Variants in C12orf75 observed in about 807,000 individuals in gnomAD.
C12orf75 encodes the protein chromosome 12 open reading frame 75.
A neutral mutation model predicts 11.4 loss-of-function variants in C12orf75; 4 were observed. That is an observed-to-expected ratio of 0.35 (90% CI 0.17 to 0.80). The LOEUF (loss-of-function observed/expected upper bound fraction) is 0.80, where lower values mean the gene tolerates loss of function less well. Among genes scored for constraint, C12orf75 ranks in the 30% least tolerant of loss-of-function variants. C12orf75 has a pLI of 0.52. For synonymous variants in C12orf75, 30 were observed against 30.0 expected (o/e 1.00, Z 0.00); for missense variants, 89 against 80.4 (o/e 1.11, Z -0.41).
chr12:105,371,021 G>C lies in C12orf75; in HGVS notation c.*421G>C, dbSNP rs978780135. 1.2e-5 allele frequency: 2 copies of C among 170,066 alleles called. No homozygotes were observed. The highest frequency in any genetic ancestry group is 4.7e-5 in the African/African-American group (2 of 42,232). The allele number at this position is 170,066 out of a possible 1,614,324, so 10.5% of individuals were successfully genotyped here. A position where few individuals can be genotyped will look rare whatever the true frequency, so the allele number is the denominator to read the frequency against. On this transcript the variant is annotated 3_prime_UTR_variant, in exon 6 of 6. Transcript: ENST00000443585. ...CCTTATTCTATTTATAACTTAAGAT[G>C]ATAAGGCACTATAAATTAATGACCT...
chr12:105,358,406 A>C (rs1285046308), intron 2 of C12orf75, among the ~76,000 whole-genome samples: 1 of 152,164 alleles, frequency 6.6e-6, no homozygotes, highest in Non-Finnish European at 1.5e-5. Flanking sequence ...CTGTGGTGCC[A>C]GCTGCTAGGG....
intron 5 of C12orf75, among the ~76,000 whole-genome samples, chr12:105,367,875 C>A (rs937357329): frequency 1.3e-5 from 2 of 152,064 alleles, no homozygotes; most frequent in African/African-American, 4.8e-5. Context: ...AGATTAGAAT[C>A]GATTTTAAGT....
At chr12:105,336,078 T>A (rs955449444) in intron 1 of C12orf75, among the ~76,000 whole-genome samples, 3 of 152,136 alleles carry the variant, frequency 2.0e-5, no homozygotes, top group Non-Finnish European at 1.5e-5. Context: ...TAGGTAAGAT[T>A]TGGATAGCAG....
chr12:105,349,365 G>T (rs1892682480), intron 2 of C12orf75, among the ~76,000 whole-genome samples: 1 of 152,192 alleles, frequency 6.6e-6, no homozygotes, highest in African/African-American at 2.4e-5. Context: ...AAGATGTATT[G>T]CTCACATGAG....
At chr12:105,334,546 AT>A (rs1334186815) in intron 1 of C12orf75, among the ~76,000 whole-genome samples, 1 of 152,080 alleles carries the variant, frequency 6.6e-6, no homozygotes, top group Non-Finnish European at 1.5e-5. Context: ...TAGGAATTTG[AT>A]TTTTCCCAAC....
chr12:105,352,014 A>G (rs1892720297), intron 2 of C12orf75, among the ~76,000 whole-genome samples: 1 of 152,228 alleles, frequency 6.6e-6, no homozygotes, highest in Non-Finnish European at 1.5e-5. Flanking sequence ...AGAGGGTCAG[A>G]TAGCAGAGGG....
chr12:105,355,169 TTTTTC>T (rs1296558498), intron 2 of C12orf75, among the ~76,000 whole-genome samples: 1 of 73,098 alleles, frequency 1.4e-5, no homozygotes, highest in Non-Finnish European at 3.1e-5. Context: ...TTTCTTTTTC[TTTTTC>T]TTTTTCTTTT....
intron 2 of C12orf75, among the ~76,000 whole-genome samples, chr12:105,356,439 C>CTTTTTTT (rs77310165): frequency 1.8e-4 from 19 of 106,320 alleles, no homozygotes; most frequent in South Asian, 6.9e-4. Flanking sequence ...AGACTACAGG[C>CTTTTTTT]TTTTTTTTTT....
intron 2 of C12orf75, among the ~76,000 whole-genome samples, chr12:105,355,991 G>T (rs879420319): frequency 5.9e-5 from 9 of 152,146 alleles, no homozygotes; most frequent in Non-Finnish European, 8.8e-5. Flanking sequence ...CATACACTCT[G>T]GAAGAAAGAA....
intron 1 of C12orf75, among the ~76,000 whole-genome samples, chr12:105,344,971 C>CA (rs1051853480): frequency 3.3e-5 from 5 of 149,594 alleles, no homozygotes; most frequent in Non-Finnish European, 5.9e-5. Flanking sequence ...TAAGCCCCCC[C>CA]CCAACCAATT....
chr12:105,341,626 G>T (rs1272533008), intron 1 of C12orf75, among the ~76,000 whole-genome samples: 1 of 152,208 alleles, frequency 6.6e-6, no homozygotes, highest in African/African-American at 2.4e-5. Flanking sequence ...AGTGGAAGAG[G>T]TACTTGGGGA....
chr12:105,356,438 GCTTTTTTTTT>G (rs1892781466), intron 2 of C12orf75, among the ~76,000 whole-genome samples: 1 of 83,104 alleles, frequency 1.2e-5, no homozygotes, highest in Admixed American at 1.2e-4. Context: ...AAGACTACAG[GCTTTTTTTTT>G]TTTTTTTTTT....
In C12orf75 at chr12:105,348,589, T is replaced by C. The variant is rs1158674566; in HGVS notation, c.47-13T>C. Reference sequence around the variant, plus strand: ...ATCACACCAATACAAACCTATCTTCTTTTTTTCTCTAGGCCCTGCAGGAGC... The same window carrying C: ...ATCACACCAATACAAACCTATCTTCCTTTTTTCTCTAGGCCCTGCAGGAGC... On this transcript the variant is annotated splice_polypyrimidine_tract_variant and intron_variant, in intron 1 of 5. Transcript: ENST00000443585. The C allele has an allele frequency of 1.3e-6, 2 of 1,525,768 alleles. No homozygotes were observed. Among genetic ancestry groups the C allele is most frequent in the Admixed American group, 2.1e-5 (1 of 48,646 alleles). 94.5% of individuals were successfully genotyped at this position (1,525,768 alleles called of 1,614,324 possible). A position where few individuals can be genotyped will look rare whatever the true frequency, so the allele number is the denominator to read the frequency against.
intron 1 of C12orf75, among the ~76,000 whole-genome samples, 180 bp from the exon 2 acceptor site, chr12:105,348,422 A>C (rs890497529): frequency 6.7e-6 from 1 of 149,642 alleles, no homozygotes; most frequent in Non-Finnish European, 1.5e-5. Context: ...CTGAAACAAA[A>C]AAAAAAAAAA....
At position 105,330,710 on chromosome 12, in the gene C12orf75, G is replaced by A. The variant is rs995811249; in HGVS notation, c.-182G>A. 6.5e-6 allele frequency: 3 copies of A among 463,604 alleles called. No homozygotes were observed. The highest frequency in any genetic ancestry group is 9.4e-6 in the Non-Finnish European group (3 of 318,240). The allele number at this position is 463,604 out of a possible 1,614,324, so 28.7% of individuals were successfully genotyped here. A position where few individuals can be genotyped will look rare whatever the true frequency, so the allele number is the denominator to read the frequency against. On this transcript the variant is annotated 5_prime_UTR_variant, in exon 1 of 6. Coordinates refer to ENST00000443585, the MANE Select transcript of C12orf75 (RefSeq NM_001145199.2). ...CCGGGTGGTTTCCGCCCGGCAGCCC[G>A]CAGCCCGCTGCGCCCCGGGCCGCGT...
chr12:105,330,870 G>A lies in C12orf75; in HGVS notation c.-22G>A. ...CCCGCGGCCGAGAGCTCCGGAGCGCGGCTTCCCCGGCCGGCTGCGCGATGG... is the reference window on the plus strand; with the variant it reads ...CCCGCGGCCGAGAGCTCCGGAGCGCAGCTTCCCCGGCCGGCTGCGCGATGG... On this transcript the variant is annotated 5_prime_UTR_variant, in exon 1 of 6. Transcript: ENST00000443585. 1.6e-6 allele frequency: 2 copies of A among 1,254,008 alleles called. No homozygotes were observed. Among genetic ancestry groups the A allele is most frequent in the South Asian group, 6.3e-5 (2 of 31,632 alleles). The allele number at this position is 1,254,008 out of a possible 1,614,324, so 77.7% of individuals were successfully genotyped here. A position where few individuals can be genotyped will look rare whatever the true frequency, so the allele number is the denominator to read the frequency against.
At chr12:105,370,204 T>G (rs1299953719) in intron 5 of C12orf75, among the ~76,000 whole-genome samples, 2 of 152,174 alleles carry the variant, frequency 1.3e-5, no homozygotes, top group South Asian at 2.1e-4. Context: ...GTGATGGTGC[T>G]CAGATGACAA....
chr12:105,337,607 T>A (rs1330662340), intron 1 of C12orf75, among the ~76,000 whole-genome samples: 1 of 152,130 alleles, frequency 6.6e-6, no homozygotes, highest in African/African-American at 2.4e-5. Flanking sequence ...CATCTCTTGA[T>A]CTACCAAAAT....
chr12:105,357,807 T>TGTGTGTGTGTGTGA (rs1491090986), intron 2 of C12orf75, among the ~76,000 whole-genome samples: 77 of 122,956 alleles, frequency 6.3e-4, no homozygotes, highest in South Asian at 1.1e-3. Flanking sequence ...TGTGTGTGTG[T>TGTGTGTGTGTGTGA]GAGAGAGAGA....
Sources: gnomAD v4.1 joint callset for allele counts (sites outside exome capture counted in the v4.1 genomes callset) on GRCh38, gnomAD v4.1.1 for gene constraint, MANE v1.5 for transcripts, NCBI Gene and HGNC (gene_info 2026-07-23, HGNC 2026-07-21) for gene names.